Variants in PTCD3 observed in about 807,000 individuals in gnomAD.
PTCD3 encodes the protein small ribosomal subunit protein mS39.
In PTCD3, 89 loss-of-function variants were observed where a neutral mutation model predicts 101.9. The ratio of observed to expected loss-of-function variants is 0.87; its 90% confidence interval spans 0.74 to 1.04. The LOEUF (loss-of-function observed/expected upper bound fraction) is 1.04, where lower values mean the gene tolerates loss of function less well. Ranked by LOEUF, PTCD3 falls within the 50% of genes least tolerant of loss-of-function variation. PTCD3 has a pLI of 0.00. For missense variants in PTCD3, 870 were observed against 828.2 expected (o/e 1.05, Z -0.62); for synonymous variants, 296 against 278.5 (o/e 1.06, Z -0.63).
Position 86,137,132 on chromosome 2 carries a change from G to C in PTCD3, c.1971G>C (p.Gln657His). The change falls in exon 23 of 24, where the codon CAG becomes CAC. Residue 657 changes from glutamine (Q) to histidine (H), a missense_variant. Coordinates refer to ENST00000254630, the MANE Select transcript of PTCD3 (RefSeq NM_017952.6). ...TAATGAGTGATTTTGCAATCAACCA[G>C]GAACAAAAGTAAGTGGTCACCATGA... ...QRVMSDFAIN[Q>H]EQKEALSNLT... is the part of the protein sequence containing the mutation. 6.3e-7 allele frequency: 1 copy of C among 1,583,544 alleles called. No homozygotes were observed. Among genetic ancestry groups the C allele is most frequent in the Non-Finnish European group, 8.6e-7 (1 of 1,165,924 alleles).
chr2:86,123,904 T>G, intron 9 of PTCD3, 142 bp downstream of exon 9: 1 of 561,290 alleles, frequency 1.8e-6, no homozygotes, highest in Non-Finnish European at 2.9e-6. Context: ...CTATTTGTAT[T>G]CATACACATT....
chr2:86,108,446 T>C (rs776489540), intron 2 of PTCD3, 44 bp downstream of exon 2: 3 of 1,591,600 alleles, frequency 1.9e-6, no homozygotes, highest in Admixed American at 3.6e-5. Flanking sequence ...TATCAACACG[T>C]TGGATTCCAT....
intron 12 of PTCD3, 22 bp downstream of exon 12, chr2:86,125,902 A>G (rs1264218749): frequency 2.0e-6 from 3 of 1,498,228 alleles, no homozygotes; most frequent in South Asian, 2.3e-5. Context: ...TCCTCAGTTT[A>G]TTTTTTAATA....
In PTCD3 at chr2:86,134,865, T is replaced by C. The variant is rs201179379; in HGVS notation, c.1656T>C (p.Ala552=). The change falls in exon 21 of 24, where the codon GCT becomes GCC. Residue 552 remains alanine, a synonymous_variant. Transcript: ENST00000254630. ...TTCAGGTGGCATTTGCTGACTGTGC[T>C]GCTGATATCAAATCTGCGTATGAAA... ...PELQVAFADC[A]ADIKSAYESQ... is the part of the protein sequence containing the mutation. The C allele has an allele frequency of 6.2e-7, 1 of 1,614,228 alleles. No homozygotes were observed. The highest frequency in any genetic ancestry group is 1.7e-5 in the Admixed American group (1 of 60,032).
At chr2:86,131,308 A>T (rs1674491068) in intron 16 of PTCD3, among the ~76,000 whole-genome samples, 1 of 151,892 alleles carries the variant, frequency 6.6e-6, no homozygotes, top group African/African-American at 2.4e-5. Flanking sequence ...GCAGTGGCTC[A>T]CCGCAACCTC....
intron 12 of PTCD3, among the ~76,000 whole-genome samples, chr2:86,126,830 T>TC (rs1491510805): frequency 1.4e-5 from 2 of 148,138 alleles, no homozygotes; most frequent in African/African-American, 2.5e-5. Flanking sequence ...AGAGCGAAAC[T>TC]TTGTCTCAAA....
Position 86,136,966 on chromosome 2 carries a change from T to G in PTCD3, c.1821-16T>G. 6.2e-7 allele frequency: 1 copy of G among 1,612,602 alleles called. No homozygotes were observed. Among genetic ancestry groups the G allele is most frequent in the Non-Finnish European group, 8.5e-7 (1 of 1,179,830 alleles). On this transcript the variant is annotated splice_polypyrimidine_tract_variant and intron_variant, in intron 22 of 23. Transcript: ENST00000254630. The stretch of plus-strand genomic sequence containing the variant: ...AAGGGGCTGGAGAAAGTTCACACTT[T>G]GCCTTTCTTTTACAGAAGTGAGTTG...
intron 16 of PTCD3, 31 bp from the exon 17 acceptor site, chr2:86,132,287 A>C: frequency 7.4e-7 from 1 of 1,344,120 alleles, no homozygotes; most frequent in Non-Finnish European, 1.1e-6. Context: ...ACAGGGTATC[A>C]GAGTGATACT....
intron 4 of PTCD3, among the ~76,000 whole-genome samples, chr2:86,113,424 A>G (rs1222293051): frequency 6.6e-6 from 1 of 152,176 alleles, no homozygotes; most frequent in African/African-American, 2.4e-5. Context: ...CTGCCACAGT[A>G]TCTGTATGGA....
chr2:86,131,148 A>G lies in PTCD3; in HGVS notation c.1266+42A>G, dbSNP rs754134161. On this transcript the variant is annotated intron_variant, in intron 16 of 23. Coordinates refer to ENST00000254630, the MANE Select transcript of PTCD3 (RefSeq NM_017952.6). ...TATTAATTTGCTATCCATTTCCTAAATTTATCTGTAACTGGAGGGTTCTCC... is the reference window on the plus strand; with the variant it reads ...TATTAATTTGCTATCCATTTCCTAAGTTTATCTGTAACTGGAGGGTTCTCC... The G allele has an allele frequency of 6.8e-6, 10 of 1,474,350 alleles. No homozygotes were observed. The South Asian group carries it at 1.2e-4, about 18-fold the overall frequency. The allele number at this position is 1,474,350 out of a possible 1,614,324, so 91.3% of individuals were successfully genotyped here. A position where few individuals can be genotyped will look rare whatever the true frequency, so the allele number is the denominator to read the frequency against.
chr2:86,132,560 C>A, intron 17 of PTCD3, 136 bp downstream of exon 17: 1 of 502,180 alleles, frequency 2.0e-6, no homozygotes. Context: ...TAATTGAGCA[C>A]TTAGGAATTA....
intron 21 of PTCD3, among the ~76,000 whole-genome samples, chr2:86,135,672 A>G (rs1395729962): frequency 6.6e-6 from 1 of 152,184 alleles, no homozygotes; most frequent in Non-Finnish European, 1.5e-5. Flanking sequence ...GTGCTTGTGC[A>G]TGGCTCCTTG....
intron 4 of PTCD3, among the ~76,000 whole-genome samples, chr2:86,116,193 G>A (rs17618119): frequency 0.13 from 19,354 of 152,132 alleles, 1,597 homozygotes; most frequent in East Asian, 0.4. Context: ...TACAACTTAC[G>A]GAATTTTTGT....
chr2:86,110,613 A>G lies in PTCD3; in HGVS notation c.195-500A>G, dbSNP rs184578642. 7.0e-4 allele frequency among the ~76,000 whole-genome samples: 107 copies of G among 152,328 alleles called. 2 individuals carry two copies. In the South Asian group the frequency reaches 9.9e-3, roughly 14 times the overall value. Reference sequence around the variant, plus strand: ...ACGTTATATATGGTTGAGAGGTTCTAAACCAGGAGGTTGCATCAGAATTAT... The same window carrying G: ...ACGTTATATATGGTTGAGAGGTTCTGAACCAGGAGGTTGCATCAGAATTAT... On this transcript the variant is annotated intron_variant, in intron 3 of 23. Transcript: ENST00000254630.
chr2:86,108,465 T>C (rs1674008287), intron 2 of PTCD3, 35 bp from the exon 3 acceptor site: 1 of 1,589,106 alleles, frequency 6.3e-7, no homozygotes, highest in African/African-American at 1.4e-5. Flanking sequence ...ATTGTAGTAC[T>C]AGGAAACTGA....
At chr2:86,127,350 GC>G in intron 13 of PTCD3, 45 bp downstream of exon 13, 1 of 1,577,256 alleles carries the variant, frequency 6.3e-7, no homozygotes, top group Non-Finnish European at 8.6e-7. Flanking sequence ...GACTGTGCCA[GC>G]CAGAGGTTTC....
At chr2:86,112,104 T>C (rs1184388115) in intron 4 of PTCD3, 4 of 150,454 alleles carry the variant, frequency 2.7e-5, no homozygotes, top group African/African-American at 9.8e-5. Context: ...TCGCCCAGGC[T>C]GAAGTGCAGT....
rs187142303 is a variant in PTCD3, at chr2:86,119,607, C to T, written c.538+563C>T. 187 of 153,384 alleles carry T rather than the reference C, an allele frequency of 1.2e-3. 2 individuals are homozygous for T. Among genetic ancestry groups the T allele is most frequent in the Admixed American group, 9.1e-4 (14 of 15,304 alleles). The allele number at this position is 153,384 out of a possible 1,614,324, so 9.5% of individuals were successfully genotyped here. A position where few individuals can be genotyped will look rare whatever the true frequency, so the allele number is the denominator to read the frequency against. On this transcript the variant is annotated intron_variant, in intron 7 of 23. Coordinates refer to ENST00000254630, the MANE Select transcript of PTCD3 (RefSeq NM_017952.6). ...TCCTGACCTCGTGATCCACCCACCT[C>T]GGCCTCCGTAAGTACTGTGATTACA... is the stretch of plus-strand genomic sequence containing the variant.
rs569250437 is a variant in PTCD3, at chr2:86,137,498, CCAGTGACAGTGATACTGACAGCAG to C, written c.2019_2042del (p.Thr675_Asp682del). The C allele has an allele frequency of 8.2e-5, 132 of 1,613,402 alleles. 2 individuals carry two copies. In the South Asian group the frequency reaches 1.4e-3, roughly 17 times the overall value. ...GCCCTAAGTAATCTAACTGCATTGA[CCAGTGACAGTGATACTGACAGCAG>C]CAGTGACAGCGACAGTGACACCAGT... is the stretch of plus-strand genomic sequence containing the variant. On this transcript the variant is annotated inframe_deletion, in exon 24 of 24. Coordinates refer to ENST00000254630, the MANE Select transcript of PTCD3 (RefSeq NM_017952.6).
Sources: allele counts gnomAD v4.1 joint callset (sites outside exome capture counted in the v4.1 genomes callset), GRCh38; gene constraint gnomAD v4.1.1; transcripts MANE v1.5; gene names NCBI Gene and HGNC (gene_info 2026-07-23, HGNC 2026-07-21).